Variants in FXR2 observed in about 807,000 individuals in gnomAD.
FXR2 encodes FMR1 autosomal homolog 2.
FXR2 carries 9 observed loss-of-function variants against 87.3 expected under a neutral mutation model. The observed-to-expected ratio is 0.10, with a 90% CI of 0.06 to 0.18. FXR2 has a LOEUF of 0.18. Ranked by LOEUF, FXR2 falls within the 10% of genes least tolerant of loss-of-function variation. FXR2 has a pLI of 1.00. For synonymous variants in FXR2, 331 were observed against 328.3 expected (o/e 1.01, Z -0.09); for missense variants, 661 against 893.6 (o/e 0.74, Z 3.32).
At chr17:7,606,037 C>A in intron 2 of FXR2, 60 bp downstream of exon 2, 1 of 1,133,256 alleles carries the variant, frequency 8.8e-7, no homozygotes, top group Non-Finnish European at 1.3e-6. Context: ...CAGCTGCCCC[C>A]TCTTCTCCAC....
At chr17:7,611,613 A>G (rs2071865478) in intron 1 of FXR2, among the ~76,000 whole-genome samples, 1 of 152,134 alleles carries the variant, frequency 6.6e-6, no homozygotes, top group Non-Finnish European at 1.5e-5. Flanking sequence ...GGCTGCAGTG[A>G]GACGACATCA....
chr17:7,592,314 G>A lies in FXR2; in HGVS notation c.1866C>T (p.Ser622=). ...ADYISRAESQ[S]RQRPPLERTK... The stretch of plus-strand genomic sequence containing the variant: ...TGCGTTCCAGGGGTGGCCTCTGGCG[G>A]CTCTGAGACTCTGCTCGTGAGATAT... The change falls in exon 16 of 17, where the codon AGC becomes AGT. Residue 622 remains serine (S), a synonymous_variant. Coordinates refer to ENST00000250113, the MANE Select transcript of FXR2 (RefSeq NM_004860.4). This position sits in a 1 kb window ranked among gnomAD's most constrained non-coding sequence, Gnocchi z 4.8. 6.2e-7 allele frequency: 1 copy of A among 1,613,378 alleles called. No homozygotes were observed. Among genetic ancestry groups the A allele is most frequent in the Non-Finnish European group, 8.5e-7 (1 of 1,179,308 alleles).
Position 7,603,743 on chromosome 17 carries a change from T to C in FXR2, c.449+14A>G, listed in dbSNP as rs758366967. 3 of 1,613,360 alleles carry C rather than the reference T, an allele frequency of 1.9e-6. No homozygotes were observed. The highest frequency in any genetic ancestry group is 2.5e-6 in the Non-Finnish European group (3 of 1,179,482). On this transcript the variant is annotated intron_variant, in intron 5 of 16. Coordinates refer to ENST00000250113, the MANE Select transcript of FXR2 (RefSeq NM_004860.4). ...GTAAAGAGGGCCCTCATTCCCACCATCCTTAACACTCACGCTTCTCTCAGA... is the reference window on the plus strand; with the variant it reads ...GTAAAGAGGGCCCTCATTCCCACCACCCTTAACACTCACGCTTCTCTCAGA...
chr17:7,609,947 T>TACGTATACATATATATAC (rs1567753800), intron 1 of FXR2, among the ~76,000 whole-genome samples: 4 of 125,224 alleles, frequency 3.2e-5, no homozygotes, highest in African/African-American at 1.1e-4. Context: ...TATACATGTA[T>TACGTATACATATATATAC]ATGTATACAT....
chr17:7,601,024 C>T (rs2071751127), intron 7 of FXR2, among the ~76,000 whole-genome samples: 1 of 151,224 alleles, frequency 6.6e-6, no homozygotes, highest in Non-Finnish European at 1.5e-5. Context: ...ACTAATAATA[C>T]AAAACTTAGC....
chr17:7,592,433 G>A lies in FXR2; in HGVS notation c.1825+71C>T, dbSNP rs780947273. 1 of 1,559,408 alleles carries A rather than the reference G, an allele frequency of 6.4e-7. No individual in the cohort carries two copies. Among genetic ancestry groups the A allele is most frequent in the Non-Finnish European group, 8.8e-7 (1 of 1,130,274 alleles). On this transcript the variant is annotated intron_variant, in intron 15 of 16. Transcript: ENST00000250113. This position sits in a 1 kb window ranked among gnomAD's most constrained non-coding sequence, Gnocchi z 4.8. The stretch of plus-strand genomic sequence containing the variant: ...AGACACCCACTGAACCCGAACCCCT[G>A]ATTTTCACAGGGGTGAGCATCCCAT...
chr17:7,594,754 G>T lies in FXR2; in HGVS notation c.835C>A (p.Pro279Thr). ...CTTCGGGCCTGTCGGCAAGCCTCGG[G>T]AGTCTAAAGGAAGAACAGCAGGGAG... ...TCTFRIYGET[P>T]EACRQARSYL... is the part of the protein sequence containing the mutation. Residue 279 changes from proline (P) to threonine (T), a missense_variant, in exon 9 of 17, where the codon CCC (proline) becomes ACC (threonine). Physicochemically the swap from Pro to Thr is conservative, Grantham distance 38 (BLOSUM62 -1). Transcript: ENST00000250113. The surrounding 1 kb of genome is among the most constrained non-coding windows in gnomAD (Gnocchi z 5.1). The T allele has an allele frequency of 1.2e-6, 2 of 1,602,756 alleles. No individual in the cohort carries two copies. The highest frequency in any genetic ancestry group is 1.7e-6 in the Non-Finnish European group (2 of 1,169,728).
intron 1 of FXR2, among the ~76,000 whole-genome samples, chr17:7,608,974 T>C (rs1324488883): frequency 6.6e-6 from 1 of 152,242 alleles, no homozygotes; most frequent in East Asian, 1.9e-4. Context: ...CAGGGTATGA[T>C]GGCTTGTGCC....
rs544572355 is a variant in FXR2, at chr17:7,608,862, T to C, written c.82-2713A>G. Among the ~76,000 whole-genome samples the C allele has an allele frequency of 1.9e-4, 29 of 152,350 alleles. No homozygotes were observed. In the South Asian group the frequency reaches 5.8e-3, roughly 30 times the overall value. ...TGGCACACTTTAAATATGTCTACTTTGTTGTATGTCAATTTCAGCTCAATA... is the reference window on the plus strand; with the variant it reads ...TGGCACACTTTAAATATGTCTACTTCGTTGTATGTCAATTTCAGCTCAATA... On this transcript the variant is annotated intron_variant, in intron 1 of 16. Transcript: ENST00000250113.
Position 7,591,690 on chromosome 17 carries a change from G to T in FXR2, c.*140C>A. 1.4e-6 allele frequency: 1 copy of T among 696,118 alleles called. No homozygotes were observed. The highest frequency in any genetic ancestry group is 2.7e-6 in the Non-Finnish European group (1 of 376,374). 43.1% of individuals were successfully genotyped at this position (696,118 alleles called of 1,614,324 possible). On this transcript the variant is annotated 3_prime_UTR_variant, in exon 17 of 17. Transcript: ENST00000250113. This position sits in a 1 kb window ranked among gnomAD's most constrained non-coding sequence, Gnocchi z 4.0. ...CACACCCCTCCACTAGCTCCTGGAG[G>T]TTGGGGGGTACCCAAGCTGCTGTGC...
At position 7,601,681 on chromosome 17, in the gene FXR2, G is replaced by A. The variant is rs180710349; in HGVS notation, c.544-156C>T. Among the ~76,000 whole-genome samples, 198 of 152,064 alleles carry A rather than the reference G, an allele frequency of 1.3e-3. 1 individual carries two copies. Among genetic ancestry groups the A allele is most frequent in the African/African-American group, 4.5e-3 (188 of 41,480 alleles). ...CGGTGGCTCATGCCTGCAATCCCAGGACTTTGGGAGGCCAAGGCAGGCGGA... is the reference window on the plus strand; with the variant it reads ...CGGTGGCTCATGCCTGCAATCCCAGAACTTTGGGAGGCCAAGGCAGGCGGA... On this transcript the variant is annotated intron_variant, in intron 6 of 16. Coordinates refer to ENST00000250113, the MANE Select transcript of FXR2 (RefSeq NM_004860.4).
At chr17:7,613,032 T>C (rs1317834118) in intron 1 of FXR2, among the ~76,000 whole-genome samples, 1 of 138,600 alleles carries the variant, frequency 7.2e-6, no homozygotes, top group African/African-American at 2.6e-5. Flanking sequence ...ATGACTACAA[T>C]GCACTTAGCA....
chr17:7,598,988 T>C (rs2061643847), intron 7 of FXR2, among the ~76,000 whole-genome samples: 1 of 151,906 alleles, frequency 6.6e-6, no homozygotes, highest in South Asian at 2.1e-4. Context: ...AAAGCAAAAA[T>C]TATCCAGACG....
At chr17:7,603,139 G>A (rs1360580263) in intron 5 of FXR2, 137 bp from the exon 6 acceptor site, 3 of 554,652 alleles carry the variant, frequency 5.4e-6, no homozygotes, top group African/African-American at 3.8e-5. Flanking sequence ...TTGAAGTCAG[G>A]AGTTCAAGAC....
At chr17:7,603,694 G>A in intron 5 of FXR2, 63 bp downstream of exon 5, 1 of 1,527,828 alleles carries the variant, frequency 6.5e-7, no homozygotes, top group Non-Finnish European at 9.0e-7. Flanking sequence ...ATGCCTGGGA[G>A]AAATAAAGCC....
At chr17:7,601,994 G>T (rs757190972) in intron 6 of FXR2, among the ~76,000 whole-genome samples, 1 of 152,166 alleles carries the variant, frequency 6.6e-6, no homozygotes, top group Non-Finnish European at 1.5e-5. Context: ...TGACTATCAG[G>T]GTACTGAAGG....
In FXR2 at chr17:7,594,734, G is replaced by C; in HGVS notation, c.855C>G (p.Ala285=). 1 of 1,612,200 alleles carries C rather than the reference G, an allele frequency of 6.2e-7. No individual in the cohort carries two copies. The highest frequency in any genetic ancestry group is 1.1e-5 in the South Asian group (1 of 91,040). The change falls in exon 9 of 17, where the codon GCC becomes GCG. Residue 285 remains alanine (A), a synonymous_variant. Transcript: ENST00000250113. This position sits in a 1 kb window ranked among gnomAD's most constrained non-coding sequence, Gnocchi z 5.1. ...CCTCAGAAAACTCAAGGTAGCTTCG[G>C]GCCTGTCGGCAAGCCTCGGGAGTCT... The part of the protein sequence containing the change: ...YGETPEACRQ[A]RSYLEFSEDS...
chr17:7,604,131 C>T (rs887552506), intron 3 of FXR2, 51 bp from the exon 4 acceptor site: 94 of 1,384,730 alleles, frequency 6.8e-5, no homozygotes, highest in Non-Finnish European at 8.8e-5. Context: ...CCAAAAGCAT[C>T]AAGAAAGGGA....
At chr17:7,610,006 A>ATATATG (rs2071846149) in intron 1 of FXR2, among the ~76,000 whole-genome samples, 2 of 95,638 alleles carry the variant, frequency 2.1e-5, no homozygotes, top group Non-Finnish European at 2.2e-5. Context: ...ATATGTATAC[A>ATATATG]TATATATATA....
Sources: allele counts gnomAD v4.1 joint callset (sites outside exome capture counted in the v4.1 genomes callset), GRCh38; gene constraint gnomAD v4.1.1; non-coding constraint Gnocchi (gnomAD v3.1); transcripts MANE v1.5; gene names NCBI Gene and HGNC (gene_info 2026-07-23, HGNC 2026-07-21).